PLXDC2: variants seen among roughly 807,000 people sequenced by gnomAD.
PLXDC2 encodes plexin domain-containing protein 2.
A neutral mutation model predicts 68.9 loss-of-function variants in PLXDC2; 40 were observed. The ratio of observed to expected loss-of-function variants is 0.58; its 90% CI spans 0.45 to 0.76. The LOEUF is 0.76. PLXDC2 is among the 30% of genes least tolerant of loss of function. The pLI, the probability that PLXDC2 is intolerant of heterozygous loss-of-function variation, is 0.00. For synonymous variants in PLXDC2, 243 were observed against 234.2 expected, an observed-to-expected ratio of 1.04 and a Z score of -0.34; for missense variants, 644 against 661.9, an observed-to-expected ratio of 0.97 and a Z score of 0.30.
In PLXDC2 at chr10:20,120,974, G is replaced by A. The variant is rs1249257052; in HGVS notation, c.542-22321G>A. Among the ~76,000 whole-genome samples, 3 of 152,252 alleles carry A rather than the reference G, an allele frequency of 2.0e-5. No homozygotes were observed. The East Asian group carries it at 5.8e-4, about 29-fold the overall frequency. Reference sequence around the variant, plus strand: ...GGAAAGAAGGAAATACGGGGAAATGGGGTGAATGTCAGGTGGATCAGAGAG... The same window carrying A: ...GGAAAGAAGGAAATACGGGGAAATGAGGTGAATGTCAGGTGGATCAGAGAG... On this transcript the variant is annotated intron_variant, in intron 4 of 13. Coordinates refer to ENST00000377252, the MANE Select transcript of PLXDC2 (RefSeq NM_032812.9).
intron 1 of PLXDC2, among the ~76,000 whole-genome samples, chr10:19,825,372 T>C (rs1177846455): frequency 6.6e-6 from 1 of 152,230 alleles, no homozygotes; most frequent in Non-Finnish European, 1.5e-5. Flanking sequence ...GTCAATTCTC[T>C]ATGTATTCCT....
At chr10:20,244,898 C>G (rs1028804979) in intron 12 of PLXDC2, among the ~76,000 whole-genome samples, 3 of 152,070 alleles carry the variant, frequency 2.0e-5, no homozygotes, top group African/African-American at 7.2e-5. Context: ...GGCGGATCAC[C>G]TGAATCAGGA....
chr10:19,986,845 C>T (rs1834649783), intron 1 of PLXDC2, among the ~76,000 whole-genome samples: 1 of 152,108 alleles, frequency 6.6e-6, no homozygotes, highest in South Asian at 2.1e-4. Context: ...TGTTAATGTG[C>T]ATTAATTTAT....
At chr10:20,260,021 T>A (rs529554392) in intron 13 of PLXDC2, among the ~76,000 whole-genome samples, 7 of 152,332 alleles carry the variant, frequency 4.6e-5, no homozygotes, top group Admixed American at 1.3e-4. Context: ...GTCTTAATGA[T>A]AGCCATCATT....
chr10:20,150,176 A>T (rs544238733), intron 6 of PLXDC2, among the ~76,000 whole-genome samples: 125 of 152,248 alleles, frequency 8.2e-4, no homozygotes, highest in African/African-American at 2.9e-3. Context: ...AGGATGTATA[A>T]TGTCATGCAT....
rs118088417 is a variant in PLXDC2, at chr10:20,139,704, C to T, written c.542-3591C>T. On this transcript the variant is annotated intron_variant, in intron 4 of 13. Transcript: ENST00000377252. ...AAAGGATGAGTTAACGTCCTTTGCA[C>T]GGATGTGGATGAAGCTGGAAACCAT... Among the ~76,000 whole-genome samples, 43 of 152,222 alleles carry T rather than the reference C, an allele frequency of 2.8e-4. 1 individual carries two copies. The East Asian group carries it at 3.3e-3, about 12-fold the overall frequency.
At chr10:20,075,355 A>C (rs1263777780) in intron 4 of PLXDC2, among the ~76,000 whole-genome samples, 1 of 151,956 alleles carries the variant, frequency 6.6e-6, no homozygotes, top group Non-Finnish European at 1.5e-5. Context: ...TGCCTGGCCA[A>C]TTTTTAGATT....
chr10:19,898,179 G>T (rs1328808884), intron 1 of PLXDC2, among the ~76,000 whole-genome samples: 2 of 152,084 alleles, frequency 1.3e-5, no homozygotes, highest in African/African-American at 4.8e-5. Context: ...TTTTTTATTT[G>T]TATTTTTTGG....
chr10:20,068,622 A>C lies in PLXDC2; in HGVS notation c.541+383A>C, dbSNP rs1339177506. On this transcript the variant is annotated intron_variant, in intron 4 of 13. Transcript: ENST00000377252. The stretch of plus-strand genomic sequence containing the variant: ...TAGTTGCTATATATATATTATATAT[A>C]TATAATATATATTTACATATATATG... Among the ~76,000 whole-genome samples, 3 of 147,842 alleles carry C rather than the reference A, an allele frequency of 2.0e-5. No individual in the cohort carries two copies. The East Asian group carries it at 5.9e-4, about 29-fold the overall frequency.
At chr10:20,162,038 AAGAAAGAG>A (rs1383888949) in intron 6 of PLXDC2, among the ~76,000 whole-genome samples, 3 of 43,404 alleles carry the variant, frequency 6.9e-5, no homozygotes, top group Non-Finnish European at 9.4e-5. Flanking sequence ...GAAAGAAAGA[AAGAAAGAG>A]AGAGAGAGAG....
At chr10:20,065,022 AC>A (rs1177131060) in intron 3 of PLXDC2, among the ~76,000 whole-genome samples, 1 of 151,624 alleles carries the variant, frequency 6.6e-6, no homozygotes, top group African/African-American at 2.4e-5. Context: ...TCCTTGTCTC[AC>A]TTTTCCTAGT....
At chr10:20,230,715 C>CAGGAAAACA (rs1278746073) in intron 12 of PLXDC2, among the ~76,000 whole-genome samples, 2 of 50,890 alleles carry the variant, frequency 3.9e-5, no homozygotes, top group Non-Finnish European at 8.5e-5. Flanking sequence ...AAAAAAAAAA[C>CAGGAAAACA]AGGAAAACAG....
chr10:20,248,876 T>C (rs1835634634), intron 13 of PLXDC2, among the ~76,000 whole-genome samples: 1 of 152,240 alleles, frequency 6.6e-6, no homozygotes, highest in Non-Finnish European at 1.5e-5. Context: ...TCCTATCTAC[T>C]TTTGAAGTGA....
intron 4 of PLXDC2, among the ~76,000 whole-genome samples, chr10:20,106,643 C>A (rs1406646113): frequency 6.6e-6 from 1 of 152,164 alleles, no homozygotes; most frequent in African/African-American, 2.4e-5. Flanking sequence ...TCTTTATCAT[C>A]TCAGAGCTGT....
At chr10:20,089,196 G>A (rs904347240) in intron 4 of PLXDC2, among the ~76,000 whole-genome samples, 6 of 150,520 alleles carry the variant, frequency 4.0e-5, no homozygotes, top group Non-Finnish European at 5.9e-5. Flanking sequence ...GTGTGTGTGT[G>A]TGTGTGTGTG....
chr10:20,260,342 T>C (rs952438936), intron 13 of PLXDC2, among the ~76,000 whole-genome samples: 8 of 152,204 alleles, frequency 5.3e-5, no homozygotes, highest in Non-Finnish European at 1.0e-4. Context: ...GGGTCTACTT[T>C]CTCCCATTTC....
chr10:19,914,137 AGAAGGAAG>A (rs556854706), intron 1 of PLXDC2, among the ~76,000 whole-genome samples: 5 of 151,350 alleles, frequency 3.3e-5, no homozygotes, highest in East Asian at 1.9e-4. Flanking sequence ...GAGGAAGGAA[AGAAGGAAG>A]GAAGGAAGGA....
chr10:19,888,321 G>A (rs1401373580), intron 1 of PLXDC2, among the ~76,000 whole-genome samples: 1 of 152,126 alleles, frequency 6.6e-6, no homozygotes, highest in African/African-American at 2.4e-5. Flanking sequence ...CTAGGATTTG[G>A]CATAAATTCC....
Position 19,817,107 on chromosome 10 carries a change from G to C in PLXDC2, c.28G>C (p.Ala10Pro). 2 of 1,563,264 alleles carry C rather than the reference G, an allele frequency of 1.3e-6. No individual in the cohort carries two copies. Among genetic ancestry groups the C allele is most frequent in the South Asian group, 1.2e-5 (1 of 85,660 alleles). ...GGCGAGGTTCCCGAAGGCCGACCTG[G>C]CCGCTGCAGGAGTTATGTTACTTTG... MARFPKADL[A>P]AAGVMLLCHF... Residue 10 changes from alanine (A) to proline (P), a missense_variant, in exon 1 of 14, where the codon GCC (alanine) becomes CCC (proline). Ala to Pro is a conservative substitution (Grantham distance 27). Coordinates refer to ENST00000377252, the MANE Select transcript of PLXDC2 (RefSeq NM_032812.9).
Sources: allele counts gnomAD v4.1 joint callset (sites outside exome capture counted in the v4.1 genomes callset), GRCh38; gene constraint gnomAD v4.1.1; transcripts MANE v1.5; gene names NCBI Gene and HGNC (gene_info 2026-07-23, HGNC 2026-07-21).